CDKAL1: variants seen among roughly 807,000 people sequenced by gnomAD.
The protein encoded by CDKAL1 is CDKAL1 threonylcarbamoyladenosine tRNA methylthiotransferase, also known as threonylcarbamoyladenosine tRNA methylthiotransferase.
CDKAL1 carries 32 observed loss-of-function variants against 68.2 expected under a neutral mutation model. That is an observed-to-expected ratio of 0.47 (90% CI 0.35 to 0.63). The LOEUF is 0.63. Among genes scored for constraint, CDKAL1 ranks in the 30% least tolerant of loss-of-function variants. The probability of loss-of-function intolerance (pLI) is 0.00; values close to 1 mark genes in which losing one functional copy is unlikely to be tolerated. For missense variants in CDKAL1, 606 were observed against 696.7 expected (o/e 0.87, Z 1.47); for synonymous variants, 234 against 244.3 (o/e 0.96, Z 0.39).
intron 4 of CDKAL1, among the ~76,000 whole-genome samples, chr6:20,549,439 A>G (rs1763729357): frequency 6.6e-6 from 1 of 152,052 alleles, no homozygotes; most frequent in East Asian, 1.9e-4. Flanking sequence ...TGTTTTTCTC[A>G]TTACAACTAA....
intron 13 of CDKAL1, among the ~76,000 whole-genome samples, chr6:21,180,921 A>G (rs1356543878): frequency 1.3e-5 from 2 of 152,126 alleles, no homozygotes; most frequent in Non-Finnish European, 2.9e-5. Flanking sequence ...CAGACTGGGT[A>G]ATTTATAAAG....
chr6:20,819,109 T>G (rs1358823302), intron 8 of CDKAL1, among the ~76,000 whole-genome samples: 2 of 152,114 alleles, frequency 1.3e-5, no homozygotes, highest in Admixed American at 1.3e-4. Flanking sequence ...TCACATGGTA[T>G]TTTTGGTTTT....
intron 8 of CDKAL1, among the ~76,000 whole-genome samples, chr6:20,786,376 A>G (rs1401326964): frequency 1.3e-5 from 2 of 152,182 alleles, no homozygotes; most frequent in Admixed American, 1.3e-4. Context: ...AAGTCAACCA[A>G]ATGTTATGGT....
At chr6:20,670,577 G>A (rs995152281) in intron 5 of CDKAL1, among the ~76,000 whole-genome samples, 1 of 152,044 alleles carries the variant, frequency 6.6e-6, no homozygotes, top group African/African-American at 2.4e-5. Context: ...GTGATTTTTC[G>A]TATTTTGATC....
chr6:20,564,059 C>T (rs1764368409), intron 4 of CDKAL1, among the ~76,000 whole-genome samples: 2 of 152,102 alleles, frequency 1.3e-5, no homozygotes, highest in African/African-American at 4.8e-5. Flanking sequence ...CTCTATTAAT[C>T]TCATGAAATT....
intron 15 of CDKAL1, among the ~76,000 whole-genome samples, chr6:21,219,469 A>G (rs759819560): frequency 1.3e-4 from 20 of 152,356 alleles, no homozygotes; most frequent in Non-Finnish European, 1.6e-4. Flanking sequence ...GAACCCACAA[A>G]TATGGAGGAC....
At chr6:20,580,415 G>A (rs546010841) in intron 4 of CDKAL1, among the ~76,000 whole-genome samples, 63 of 152,148 alleles carry the variant, frequency 4.1e-4, no homozygotes, top group African/African-American at 1.3e-3. Context: ...AGGTCCTCCC[G>A]TGTCTGCTTG....
At chr6:20,967,638 A>G (rs1248140862) in intron 10 of CDKAL1, among the ~76,000 whole-genome samples, 1 of 152,232 alleles carries the variant, frequency 6.6e-6, no homozygotes, top group Admixed American at 6.5e-5. Context: ...TAATATAAAA[A>G]CAAGAGTTAC....
intron 10 of CDKAL1, among the ~76,000 whole-genome samples, chr6:20,988,714 A>G (rs1229238473): frequency 6.6e-6 from 1 of 151,926 alleles, no homozygotes; most frequent in East Asian, 1.9e-4. Flanking sequence ...CAGTGGCACG[A>G]TCTCAGCTCA....
intron 13 of CDKAL1, among the ~76,000 whole-genome samples, chr6:21,188,644 A>T (rs2151094419): frequency 6.6e-6 from 1 of 152,252 alleles, no homozygotes; most frequent in South Asian, 2.1e-4. Flanking sequence ...TGGCCATAGA[A>T]CTTCAGTTTT....
At chr6:20,682,705 C>T (rs1387708680) in intron 5 of CDKAL1, among the ~76,000 whole-genome samples, 1 of 152,174 alleles carries the variant, frequency 6.6e-6, no homozygotes, top group Non-Finnish European at 1.5e-5. Context: ...CATATCACAA[C>T]CCAAGTTAGA....
intron 4 of CDKAL1, among the ~76,000 whole-genome samples, chr6:20,578,479 C>T (rs1765004734): frequency 6.6e-6 from 1 of 152,156 alleles, no homozygotes; most frequent in Non-Finnish European, 1.5e-5. Flanking sequence ...TTTTTGGATT[C>T]ATCCATGTTG....
intron 13 of CDKAL1, among the ~76,000 whole-genome samples, chr6:21,183,765 A>G (rs1777894472): frequency 6.6e-6 from 1 of 152,096 alleles, no homozygotes; most frequent in Admixed American, 6.5e-5. Flanking sequence ...CCTCCTCCAT[A>G]TTATTACTTC....
chr6:20,749,529 T>C (rs1464038739), intron 6 of CDKAL1, among the ~76,000 whole-genome samples: 2 of 151,718 alleles, frequency 1.3e-5, no homozygotes, highest in Non-Finnish European at 2.9e-5. Context: ...CTACCACTAA[T>C]CCCAGATTTT....
At chr6:20,568,646 A>G (rs957568209) in intron 4 of CDKAL1, among the ~76,000 whole-genome samples, 16 of 150,574 alleles carry the variant, frequency 1.1e-4, no homozygotes, top group Non-Finnish European at 2.2e-4. Context: ...GAGGCAGGAG[A>G]ATGGCGTGAA....
chr6:20,822,995 C>G (rs1777349364), intron 8 of CDKAL1, among the ~76,000 whole-genome samples: 1 of 152,132 alleles, frequency 6.6e-6, no homozygotes, highest in Non-Finnish European at 1.5e-5. Flanking sequence ...GCCTGGTGTT[C>G]ACTTGCCTTT....
intron 2 of CDKAL1, among the ~76,000 whole-genome samples, chr6:20,535,742 G>A (rs1763141174): frequency 6.6e-6 from 1 of 152,010 alleles, no homozygotes; most frequent in Non-Finnish European, 1.5e-5. Flanking sequence ...TCGTGGTCTT[G>A]TACCTTCTCC....
chr6:20,791,323 G>A (rs1393352336), intron 8 of CDKAL1, among the ~76,000 whole-genome samples: 3 of 152,202 alleles, frequency 2.0e-5, no homozygotes, highest in Non-Finnish European at 4.4e-5. Context: ...TTATTACTAT[G>A]ATAGCTATGA....
intron 12 of CDKAL1, among the ~76,000 whole-genome samples, chr6:21,085,741 T>A (rs1178996476): frequency 6.6e-6 from 1 of 152,174 alleles, no homozygotes; most frequent in Admixed American, 6.5e-5. Flanking sequence ...TACAGCCGCA[T>A]TGGCCCTTGG....
Sources: allele counts gnomAD v4.1 joint callset (sites outside exome capture counted in the v4.1 genomes callset), GRCh38; gene constraint gnomAD v4.1.1; transcripts MANE v1.5; gene names NCBI Gene and HGNC (gene_info 2026-07-23, HGNC 2026-07-21).